Variants in CDH1 observed in about 807,000 individuals in gnomAD.
The protein encoded by CDH1 is cadherin 1.
CDH1 carries 35 observed loss-of-function variants against 84.5 expected under a neutral mutation model. The observed-to-expected ratio is 0.41, with a 90% CI of 0.32 to 0.55. The LOEUF is 0.55. Among genes scored for constraint, CDH1 ranks in the 20% least tolerant of loss-of-function variants. The probability of loss-of-function intolerance (pLI) is 0.19; values close to 1 mark genes in which losing one functional copy is unlikely to be tolerated. For synonymous variants in CDH1, 417 were observed against 439.0 expected (o/e 0.95, Z 0.63); for missense variants, 994 against 1,126.6 (o/e 0.88, Z 1.68).
At chr16:68,790,985 G>A (rs1567496508) in intron 2 of CDH1, among the ~76,000 whole-genome samples, 1 of 152,174 alleles carries the variant, frequency 6.6e-6, no homozygotes, top group Non-Finnish European at 1.5e-5. Context: ...GAAGGGTATG[G>A]GGTATGGGGA....
At chr16:68,785,525 G>T (rs1486696770) in intron 2 of CDH1, among the ~76,000 whole-genome samples, 2 of 152,168 alleles carry the variant, frequency 1.3e-5, no homozygotes, top group African/African-American at 4.8e-5. Flanking sequence ...TCAGGCTGGA[G>T]TGCTGTTGTG....
intron 2 of CDH1, among the ~76,000 whole-genome samples, chr16:68,787,825 AT>A (rs58676133): frequency 0.011 from 1,145 of 102,318 alleles, 23 homozygotes; most frequent in African/African-American, 0.035. Context: ...CGCCCGGCTA[AT>A]TTTTTTTTTT....
rs577851249 is a variant in CDH1 at position 68,743,339 on chromosome 16, C to A, written c.163+4928C>A. Among the ~76,000 whole-genome samples, 31 of 24,392 alleles carry A rather than the reference C, an allele frequency of 1.3e-3. 4 individuals are homozygous for A. The highest frequency in any genetic ancestry group is 4.3e-3 in the South Asian group (4 of 932). 16.0% of individuals were successfully genotyped at this position (24,392 alleles called of 152,430 possible). A position where few individuals can be genotyped will look rare whatever the true frequency, so the allele number is the denominator to read the frequency against. The stretch of plus-strand genomic sequence containing the variant: ...TCTTTCTTTCTTTCTTTCTTTCTTT[C>A]TTTCTTTCTTTCTTTCTTTCTTTCT... On this transcript the variant is annotated intron_variant, in intron 2 of 15. Transcript: ENST00000261769.
At chr16:68,809,495 C>T (rs534444585) in intron 5 of CDH1, among the ~76,000 whole-genome samples, 1 of 151,370 alleles carries the variant, frequency 6.6e-6, no homozygotes, top group African/African-American at 2.4e-5. Flanking sequence ...AGCCACTGCA[C>T]CCGGCCTACA....
intron 2 of CDH1, among the ~76,000 whole-genome samples, chr16:68,743,878 G>A (rs554053907): frequency 6.6e-5 from 10 of 152,112 alleles, no homozygotes; most frequent in Non-Finnish European, 1.5e-4. Flanking sequence ...AAAATGGGGC[G>A]GTAATACTTA....
At chr16:68,805,299 C>A (rs1311775469) in intron 3 of CDH1, among the ~76,000 whole-genome samples, 1 of 151,900 alleles carries the variant, frequency 6.6e-6, no homozygotes. Context: ...GGATTATAGG[C>A]GTGAGCCACC....
intron 2 of CDH1, among the ~76,000 whole-genome samples, chr16:68,779,149 C>G (rs748298866): frequency 2.0e-5 from 3 of 152,202 alleles, no homozygotes; most frequent in Non-Finnish European, 2.9e-5. Flanking sequence ...GGTCAGACAT[C>G]AACACCGCCT....
chr16:68,745,944 A>G lies in CDH1; in HGVS notation c.163+7533A>G, dbSNP rs138163763. On this transcript the variant is annotated intron_variant, in intron 2 of 15. Transcript: ENST00000261769. Reference sequence around the variant, plus strand: ...GCAATTCTCATGCCTCAGCCTCCCAAGTAGCTGGGATTACAGGCATGCACC... The same window carrying G: ...GCAATTCTCATGCCTCAGCCTCCCAGGTAGCTGGGATTACAGGCATGCACC... 3.8e-3 allele frequency among the ~76,000 whole-genome samples: 578 copies of G among 152,220 alleles called. 4 individuals are homozygous for G. The highest frequency in any genetic ancestry group is 0.014 in the African/African-American group (565 of 41,558).
intron 2 of CDH1, among the ~76,000 whole-genome samples, chr16:68,746,201 A>G (rs577665359): frequency 6.6e-5 from 10 of 151,934 alleles, no homozygotes; most frequent in African/African-American, 2.2e-4. Flanking sequence ...CAAGGCGGGC[A>G]GATCATGAGG....
chr16:68,741,952 TGA>T lies in CDH1; in HGVS notation c.163+3543_163+3544del, dbSNP rs35993652. Reference sequence around the variant, plus strand: ...TCCCAAAGTGTTGGGATTACATGTGTGAGTCACCATGCCTGGCTAATAACCCA... The same window carrying T: ...TCCCAAAGTGTTGGGATTACATGTGTGTCACCATGCCTGGCTAATAACCCA... On this transcript the variant is annotated intron_variant, in intron 2 of 15. Coordinates refer to ENST00000261769, the MANE Select transcript of CDH1 (RefSeq NM_004360.5). Among the ~76,000 whole-genome samples, 695 of 152,322 alleles carry T rather than the reference TGA, an allele frequency of 4.6e-3. 7 individuals are homozygous for T. Among genetic ancestry groups the T allele is most frequent in the African/African-American group, 0.016 (650 of 41,574 alleles).
At chr16:68,828,398 T>C (rs2152141727) in intron 14 of CDH1, 94 bp downstream of exon 14, 2 of 1,290,170 alleles carry the variant, frequency 1.6e-6, no homozygotes, top group Non-Finnish European at 2.2e-6. Flanking sequence ...CAGCTCTGAA[T>C]CACTTTGGAT....
intron 2 of CDH1, among the ~76,000 whole-genome samples, chr16:68,738,964 T>TTTTTTTTTTAAAA (rs555202424): frequency 1.5e-5 from 1 of 65,364 alleles, no homozygotes; most frequent in Admixed American, 2.3e-4. Context: ...TTTTTTTTTT[T>TTTTTTTTTTAAAA]AAAGACAGGG....
At chr16:68,748,830 AG>A (rs1481806699) in intron 2 of CDH1, among the ~76,000 whole-genome samples, 1 of 152,128 alleles carries the variant, frequency 6.6e-6, no homozygotes, top group Admixed American at 6.5e-5. Context: ...AAGATAAAAC[AG>A]TTTTTTTTGT....
At chr16:68,827,366 CTT>C (rs66996303) in intron 13 of CDH1, among the ~76,000 whole-genome samples, 2 of 147,936 alleles carry the variant, frequency 1.4e-5, no homozygotes, top group African/African-American at 2.5e-5. Flanking sequence ...CACATGGAAT[CTT>C]TTTTTTTTTC....
chr16:68,792,478 C>T (rs1368974509), intron 2 of CDH1, among the ~76,000 whole-genome samples: 1 of 152,328 alleles, frequency 6.6e-6, no homozygotes, highest in Non-Finnish European at 1.5e-5. Context: ...GTTCCACCCA[C>T]CTCCCAAAGG....
At chr16:68,804,102 C>CT (rs10563852) in intron 3 of CDH1, among the ~76,000 whole-genome samples, 1,271 of 75,102 alleles carry the variant, frequency 0.017, 472 homozygotes, top group African/African-American at 0.037. Context: ...ATCTGTCTGC[C>CT]TTTTTTTTTT....
chr16:68,740,123 C>A (rs1168932175), intron 2 of CDH1, among the ~76,000 whole-genome samples: 1 of 49,740 alleles, frequency 2.0e-5, no homozygotes, highest in Non-Finnish European at 6.9e-5. Flanking sequence ...AAACCACTTT[C>A]TCCTCTCTCA....
chr16:68,811,652 G>A (rs201637866), intron 6 of CDH1, 32 bp from the exon 7 acceptor site: 19 of 1,608,736 alleles, frequency 1.2e-5, no homozygotes, highest in African/African-American at 1.3e-5. Flanking sequence ...AGTGCAGCTT[G>A]TCTAAACCTT....
At chr16:68,791,105 G>A (rs1214376270) in intron 2 of CDH1, among the ~76,000 whole-genome samples, 1 of 152,120 alleles carries the variant, frequency 6.6e-6, no homozygotes, top group African/African-American at 2.4e-5. Context: ...GGCAGGAGTG[G>A]TTATCTGTTG....
Sources: gnomAD v4.1 joint callset for allele counts (sites outside exome capture counted in the v4.1 genomes callset) on GRCh38, gnomAD v4.1.1 for gene constraint, MANE v1.5 for transcripts, NCBI Gene and HGNC (gene_info 2026-07-23, HGNC 2026-07-21) for gene names.